The following TMEM156 variants were observed in gnomAD, a reference collection of about 807,000 sequenced individuals.
The protein encoded by TMEM156 is transmembrane protein 156.
A neutral mutation model predicts 30.5 loss-of-function variants in TMEM156; 28 were observed. The observed-to-expected ratio is 0.92, with a 90% CI of 0.68 to 1.26. The LOEUF (loss-of-function observed/expected upper bound fraction) is 1.26, where lower values mean the gene tolerates loss of function less well. TMEM156 is among the 50% of genes most tolerant of loss of function. The pLI, the probability that TMEM156 is intolerant of heterozygous loss-of-function variation, is 0.00. For missense variants in TMEM156, 351 were observed against 340.6 expected, an observed-to-expected ratio of 1.03 and a Z score of -0.24; for synonymous variants, 137 against 119.9, an observed-to-expected ratio of 1.14 and a Z score of -0.93.
chr4:39,021,791 T>C (rs1057488298), intron 1 of TMEM156, among the ~76,000 whole-genome samples: 14 of 152,226 alleles, frequency 9.2e-5, no homozygotes, highest in African/African-American at 2.9e-4. Context: ...CTTTAATCCA[T>C]TTTGAATTGG....
chr4:38,999,272 A>C (rs946594101), intron 1 of TMEM156, among the ~76,000 whole-genome samples: 1 of 152,078 alleles, frequency 6.6e-6, no homozygotes, highest in Non-Finnish European at 1.5e-5. Flanking sequence ...GCATGCCACC[A>C]TGCCCAGCCA....
intron 1 of TMEM156, among the ~76,000 whole-genome samples, chr4:39,002,087 T>A: frequency 1.5e-5 from 2 of 135,302 alleles, no homozygotes. Context: ...ACCATCAGAG[T>A]GAACAGGCAA....
chr4:38,984,793 C>A (rs552839216), intron 5 of TMEM156, among the ~76,000 whole-genome samples: 1 of 149,348 alleles, frequency 6.7e-6, no homozygotes, highest in South Asian at 2.1e-4. Flanking sequence ...AGGCCATCAC[C>A]CCTTGACCTA....
chr4:38,980,357 T>C (rs1723118581), intron 5 of TMEM156, among the ~76,000 whole-genome samples: 1 of 152,208 alleles, frequency 6.6e-6, no homozygotes, highest in African/African-American at 2.4e-5. Context: ...TCAAAAGTTA[T>C]AAGTTAGAGG....
intron 5 of TMEM156, among the ~76,000 whole-genome samples, chr4:38,971,767 A>G (rs1474864154): frequency 6.6e-6 from 1 of 152,054 alleles, no homozygotes; most frequent in African/African-American, 2.4e-5. Context: ...CAAAGCCCTG[A>G]ACACAGGTGA....
chr4:39,029,202 G>A (rs551084791), intron 1 of TMEM156, among the ~76,000 whole-genome samples: 1 of 151,596 alleles, frequency 6.6e-6, no homozygotes, highest in South Asian at 2.1e-4. Flanking sequence ...TTAAAGACAG[G>A]GTATCAGTGA....
chr4:39,021,643 A>T (rs1295613856), intron 1 of TMEM156, among the ~76,000 whole-genome samples: 1 of 152,136 alleles, frequency 6.6e-6, no homozygotes, highest in African/African-American at 2.4e-5. Flanking sequence ...TTTTAGTTTG[A>T]TACAATCTCA....
intron 5 of TMEM156, among the ~76,000 whole-genome samples, chr4:38,973,913 A>C (rs1722723645): frequency 6.6e-6 from 1 of 152,164 alleles, no homozygotes; most frequent in Non-Finnish European, 1.5e-5. Context: ...TTAATGAAAA[A>C]TGCATTGTAT....
chr4:39,026,325 G>A (rs1017322382), intron 1 of TMEM156, among the ~76,000 whole-genome samples: 8 of 151,464 alleles, frequency 5.3e-5, no homozygotes, highest in African/African-American at 1.7e-4. Context: ...TCCAGCCTGG[G>A]CCATAAAGCA....
chr4:38,998,609 C>A, intron 2 of TMEM156, 31 bp downstream of exon 2: 1 of 1,566,436 alleles, frequency 6.4e-7, no homozygotes, highest in South Asian at 1.2e-5. Flanking sequence ...TACCTGATAC[C>A]ATTTTATTCT....
At position 39,032,239 on chromosome 4, in the gene TMEM156, G is replaced by T; in HGVS notation, c.75C>A (p.Phe25Leu). Residue 25 changes from phenylalanine (F) to leucine (L), a missense_variant, in exon 1 of 7, where the codon TTC becomes TTA. Phe to Leu is a conservative substitution (Grantham distance 22, BLOSUM62 0). Coordinates refer to ENST00000381938, the MANE Select transcript of TMEM156 (RefSeq NM_024943.3). ...ITFILILPEY[F>L]KTPKERTLEL... The stretch of plus-strand genomic sequence containing the variant: ...TTATATACTCACCTTTCGGTGTCTT[G>T]AAATATTCCGGCAAAATTAAAATGA... 1 of 1,603,688 alleles carries T rather than the reference G, an allele frequency of 6.2e-7. No homozygotes were observed. Among genetic ancestry groups the T allele is most frequent in the Non-Finnish European group, 8.5e-7 (1 of 1,172,672 alleles).
intron 1 of TMEM156, among the ~76,000 whole-genome samples, chr4:39,022,051 T>G (rs1338072549): frequency 6.6e-6 from 1 of 152,186 alleles, no homozygotes; most frequent in Non-Finnish European, 1.5e-5. Flanking sequence ...CTTTGGGAAA[T>G]TATTTGAGGA....
At chr4:38,989,923 C>T (rs912990093) in intron 3 of TMEM156, among the ~76,000 whole-genome samples, 3 of 152,192 alleles carry the variant, frequency 2.0e-5, no homozygotes, top group South Asian at 2.1e-4. Context: ...CCTCAGCCTC[C>T]GAGGGGATTA....
In TMEM156 at chr4:39,000,842, G is replaced by A. The variant is rs561400326; in HGVS notation, c.89-1933C>T. On this transcript the variant is annotated intron_variant, in intron 1 of 6. Transcript: ENST00000381938. ...GTGGAGGTTGCAGTGAGCCAAGATC[G>A]CACCACTGCACTCCAGACTGGGCAA... Among the ~76,000 whole-genome samples, 25 of 151,900 alleles carry A rather than the reference G, an allele frequency of 1.6e-4. No individual in the cohort carries two copies. In the East Asian group the frequency reaches 2.7e-3, roughly 17 times the overall value.
At chr4:39,007,925 T>C (rs1006424917) in intron 1 of TMEM156, among the ~76,000 whole-genome samples, 6 of 152,278 alleles carry the variant, frequency 3.9e-5, no homozygotes, top group Admixed American at 1.3e-4. Context: ...TTAGGAAATA[T>C]GTTTTCTGTC....
rs1722570374 is a variant in TMEM156, at chr4:38,971,018, G to A, written c.*38+14C>T. 8.6e-6 allele frequency: 13 copies of A among 1,512,720 alleles called. No individual in the cohort carries two copies. The highest frequency in any genetic ancestry group is 2.3e-5 in the South Asian group (2 of 87,206). The allele number at this position is 1,512,720 out of a possible 1,614,324, so 93.7% of individuals were successfully genotyped here. On this transcript the variant is annotated intron_variant, in intron 6 of 6. Transcript: ENST00000381938. ...TTATAATGAAGAAGTCGATAAAGCC[G>A]AATCATCACTCACCGTGTATATTGA...
At chr4:38,999,484 C>T (rs1157289140) in intron 1 of TMEM156, among the ~76,000 whole-genome samples, 1 of 152,032 alleles carries the variant, frequency 6.6e-6, no homozygotes, top group East Asian at 1.9e-4. Context: ...CCATCTGTTC[C>T]AAAATAAAGA....
At chr4:39,020,838 G>A (rs1264521429) in intron 1 of TMEM156, among the ~76,000 whole-genome samples, 6 of 152,032 alleles carry the variant, frequency 3.9e-5, no homozygotes, top group African/African-American at 1.2e-4. Flanking sequence ...GTGAGCCACC[G>A]CACCCAGCCT....
intron 1 of TMEM156, among the ~76,000 whole-genome samples, chr4:39,016,558 G>T (rs545633261): frequency 6.6e-6 from 1 of 151,902 alleles, no homozygotes; most frequent in African/African-American, 2.4e-5. Context: ...TATATGTTTT[G>T]GTAATATTGC....
Sources: allele counts gnomAD v4.1 joint callset (sites outside exome capture counted in the v4.1 genomes callset), GRCh38; gene constraint gnomAD v4.1.1; transcripts MANE v1.5; gene names NCBI Gene and HGNC (gene_info 2026-07-23, HGNC 2026-07-21).